The following SPMIP2 variants were observed in gnomAD, a reference collection of about 807,000 sequenced individuals.
The protein encoded by SPMIP2 is sperm microtubule inner protein 2.
At chr4:158,909,913 G>A in the SPMIP2 span, among the ~76,000 whole-genome samples, 3 of 152,084 alleles carry the variant, frequency 2.0e-5, no homozygotes, top group Non-Finnish European at 2.9e-5. Context: ...GTGGTGGCAC[G>A]CGCCTGTAGT....
At chr4:158,929,012 C>T in the SPMIP2 span, among the ~76,000 whole-genome samples, 33 of 152,156 alleles carry the variant, frequency 2.2e-4, no homozygotes, top group African/African-American at 7.7e-4. Flanking sequence ...TGCGAGCGTC[C>T]GAGCGTCCGT....
At chr4:158,970,039 A>G in the SPMIP2 span, among the ~76,000 whole-genome samples, 1,534 of 152,306 alleles carry the variant, frequency 0.01, 25 homozygotes, top group African/African-American at 0.034. Flanking sequence ...CACACTGAGA[A>G]GTTTACCAGT....
At chr4:158,911,950 A>T in the SPMIP2 span, among the ~76,000 whole-genome samples, 2 of 152,208 alleles carry the variant, frequency 1.3e-5, no homozygotes, top group African/African-American at 2.4e-5. Context: ...TATACAATGC[A>T]TATGATATAT....
chr4:158,914,873 G>GC, the SPMIP2 span, among the ~76,000 whole-genome samples: 1 of 152,196 alleles, frequency 6.6e-6, no homozygotes, highest in African/African-American at 2.4e-5. Context: ...CACAAACGGT[G>GC]CTTTCTCAGC....
the SPMIP2 span, among the ~76,000 whole-genome samples, chr4:159,003,298 C>T: frequency 3.9e-5 from 6 of 152,148 alleles, no homozygotes; most frequent in African/African-American, 1.2e-4. Context: ...ATAATAGGCT[C>T]ATAACCTTCT....
chr4:159,066,316 A>G, the SPMIP2 span, among the ~76,000 whole-genome samples: 1 of 152,080 alleles, frequency 6.6e-6, no homozygotes, highest in Admixed American at 6.6e-5. Flanking sequence ...GGATGCTGCA[A>G]TCCTATGGAA....
chr4:158,967,197 C>T, the SPMIP2 span, among the ~76,000 whole-genome samples: 8 of 151,942 alleles, frequency 5.3e-5, no homozygotes, highest in African/African-American at 1.5e-4. Context: ...TTTGAGAATC[C>T]TATAAAGCTA....
the SPMIP2 span, among the ~76,000 whole-genome samples, chr4:158,964,054 C>T: frequency 1.3e-5 from 2 of 151,954 alleles, no homozygotes; most frequent in Non-Finnish European, 2.9e-5. Flanking sequence ...ACTCGAGAGG[C>T]TGGGGCAGGA....
the SPMIP2 span, among the ~76,000 whole-genome samples, chr4:158,972,917 G>A: frequency 6.6e-6 from 1 of 152,216 alleles, no homozygotes; most frequent in African/African-American, 2.4e-5. Context: ...TCCAGGAGTG[G>A]AGCACATGCA....
At chr4:159,002,758 A>T in the SPMIP2 span, among the ~76,000 whole-genome samples, 1,730 of 141,720 alleles carry the variant, frequency 0.012, 29 homozygotes, top group African/African-American at 0.043. Flanking sequence ...TTAATGATAC[A>T]TATCACTGCA....
At chr4:159,074,184 C>G in the SPMIP2 span, among the ~76,000 whole-genome samples, 1 of 152,018 alleles carries the variant, frequency 6.6e-6, no homozygotes, top group Admixed American at 6.6e-5. Flanking sequence ...TCAATTTATA[C>G]TTTTTACCAT....
chr4:158,916,216 G>GT, the SPMIP2 span, among the ~76,000 whole-genome samples: 1 of 152,154 alleles, frequency 6.6e-6, no homozygotes, highest in Non-Finnish European at 1.5e-5. Flanking sequence ...TAAAGCCCCT[G>GT]TTGTCACAGA....
chr4:158,970,549 AAAC>A, the SPMIP2 span, among the ~76,000 whole-genome samples: 1,754 of 10,510 alleles, frequency 0.17, 28 homozygotes, highest in South Asian at 0.39. Context: ...CAAAAAAGAA[AAAC>A]AAAAAAAAAA....
the SPMIP2 span, among the ~76,000 whole-genome samples, chr4:159,060,525 ATGG>A: frequency 2.0e-5 from 3 of 152,178 alleles, no homozygotes; most frequent in Non-Finnish European, 4.4e-5. Flanking sequence ...GTTAGTAACG[ATGG>A]TGGCCTGAAC....
At chr4:158,899,434 G>A in the SPMIP2 span, among the ~76,000 whole-genome samples, 2 of 152,140 alleles carry the variant, frequency 1.3e-5, no homozygotes, top group East Asian at 1.9e-4. Context: ...AATGGTACCA[G>A]CTCCTGTACA....
chr4:158,999,885 T>A, the SPMIP2 span, among the ~76,000 whole-genome samples: 1 of 152,226 alleles, frequency 6.6e-6, no homozygotes, highest in East Asian at 1.9e-4. Flanking sequence ...CATTTTTTTT[T>A]AAGAACCTAC....
chr4:159,023,201 G>T, the SPMIP2 span, among the ~76,000 whole-genome samples: 1 of 152,088 alleles, frequency 6.6e-6, no homozygotes, highest in Non-Finnish European at 1.5e-5. Flanking sequence ...ATTAACATTT[G>T]AATTGGTAAA....
chr4:158,983,831 T>A, the SPMIP2 span, among the ~76,000 whole-genome samples: 1 of 49,058 alleles, frequency 2.0e-5, no homozygotes, highest in African/African-American at 8.1e-5. Context: ...AATGCTCCAA[T>A]TAAAAGACAC....
the SPMIP2 span, among the ~76,000 whole-genome samples, chr4:159,072,659 C>T: frequency 6.6e-6 from 1 of 151,818 alleles, no homozygotes; most frequent in South Asian, 2.1e-4. Context: ...GATGGGGTTT[C>T]GCCATATTGC....
Sources: gnomAD v4.1 joint callset for allele counts (sites outside exome capture counted in the v4.1 genomes callset) on GRCh38, gnomAD v4.1.1 for gene constraint, MANE v1.5 for transcripts, NCBI Gene and HGNC (gene_info 2026-07-23, HGNC 2026-07-21) for gene names.